The following SND1 variants were observed in gnomAD, a reference collection of about 807,000 sequenced individuals.
SND1 encodes staphylococcal nuclease domain-containing protein 1.
Under a neutral mutation model 121.7 loss-of-function variants are expected in SND1, and 38 were observed. The observed-to-expected ratio is 0.31, with a 90% CI of 0.24 to 0.41. The LOEUF is 0.41. Ranked by LOEUF, SND1 falls within the 10% of genes least tolerant of loss-of-function variation. The probability of loss-of-function intolerance (pLI) is 1.00; values close to 1 mark genes in which losing one functional copy is unlikely to be tolerated. For synonymous variants in SND1, 401 were observed against 447.4 expected (o/e 0.90, Z 1.31); for missense variants, 868 against 1,184.6 (o/e 0.73, Z 3.92).
chr7:127,954,534 C>G (rs1210415537), intron 15 of SND1, among the ~76,000 whole-genome samples: 1 of 152,122 alleles, frequency 6.6e-6, no homozygotes, highest in Non-Finnish European at 1.5e-5. Context: ...GAGCAGCCCT[C>G]TCTCTCTTTC....
At chr7:127,653,943 CTCT>C (rs1403122107) in intron 1 of SND1, among the ~76,000 whole-genome samples, 1 of 152,182 alleles carries the variant, frequency 6.6e-6, no homozygotes, top group Non-Finnish European at 1.5e-5. Context: ...CCTAAAGTGG[CTCT>C]TCTTTCGTTA....
intron 4 of SND1, 148 bp from the exon 5 acceptor site, chr7:127,701,015 G>A (rs944378424): frequency 1.3e-5 from 10 of 782,042 alleles, no homozygotes; most frequent in Non-Finnish European, 1.8e-5. Context: ...TGATTTTCTG[G>A]TTATAGGCTT....
intron 10 of SND1, among the ~76,000 whole-genome samples, chr7:127,773,561 C>A (rs1462460617): frequency 6.6e-6 from 1 of 151,512 alleles, no homozygotes; most frequent in Non-Finnish European, 1.5e-5. Context: ...GAAAAGGAAA[C>A]TATTTTTTGC....
At chr7:127,759,099 T>TAGATAGATAGATAGGCAGGC (rs1268977068) in intron 10 of SND1, among the ~76,000 whole-genome samples, 3 of 151,902 alleles carry the variant, frequency 2.0e-5, no homozygotes, top group African/African-American at 7.3e-5. Context: ...GATAGATAGA[T>TAGATAGATAGATAGGCAGGC]AGGCAGGCAG....
At chr7:127,950,880 A>T (rs914078218) in intron 15 of SND1, among the ~76,000 whole-genome samples, 4 of 152,092 alleles carry the variant, frequency 2.6e-5, no homozygotes, top group Admixed American at 6.6e-5. Context: ...CCAATTTATT[A>T]TTTTTTTTAA....
At chr7:128,072,986 G>A (rs567528648) in intron 16 of SND1, among the ~76,000 whole-genome samples, 2 of 152,306 alleles carry the variant, frequency 1.3e-5, no homozygotes, top group Admixed American at 1.3e-4. Flanking sequence ...CCAGAATTGG[G>A]GCCAGCACTT....
At chr7:127,844,214 A>G (rs1799016138) in intron 11 of SND1, 110 bp from the exon 12 acceptor site, 3 of 671,024 alleles carry the variant, frequency 4.5e-6, no homozygotes, top group African/African-American at 1.9e-5. Context: ...TTAGATTCAG[A>G]AAACCAAACT....
At chr7:127,883,667 T>C (rs1464137745) in intron 12 of SND1, among the ~76,000 whole-genome samples, 2 of 152,158 alleles carry the variant, frequency 1.3e-5, no homozygotes, top group African/African-American at 4.8e-5. Flanking sequence ...TCCACAAACC[T>C]ACTCAAATTT....
intron 1 of SND1, among the ~76,000 whole-genome samples, chr7:127,658,613 T>C (rs1049190907): frequency 1.3e-5 from 2 of 152,238 alleles, no homozygotes; most frequent in African/African-American, 4.8e-5. Flanking sequence ...TAGCAAGCTT[T>C]AGTGAACTGT....
intron 10 of SND1, among the ~76,000 whole-genome samples, chr7:127,751,012 G>A (rs1797081266): frequency 6.6e-6 from 1 of 152,132 alleles, no homozygotes; most frequent in Non-Finnish European, 1.5e-5. Context: ...TTTGGTGGTA[G>A]AATTTTTTTG....
At chr7:128,089,424 A>G in intron 21 of SND1, 65 bp from the exon 22 acceptor site, 1 of 1,477,500 alleles carries the variant, frequency 6.8e-7, no homozygotes, top group Non-Finnish European at 9.3e-7. Context: ...GAGTCTATGG[A>G]CAGGAGCTGG....
intron 16 of SND1, among the ~76,000 whole-genome samples, chr7:128,066,635 G>A (rs1450990126): frequency 2.0e-5 from 3 of 152,214 alleles, no homozygotes; most frequent in African/African-American, 7.2e-5. Flanking sequence ...CATTGTTAAT[G>A]TTCATCATCT....
chr7:127,802,952 T>C (rs1798162638), intron 10 of SND1, among the ~76,000 whole-genome samples: 1 of 152,246 alleles, frequency 6.6e-6, no homozygotes, highest in Non-Finnish European at 1.5e-5. Flanking sequence ...CCTTCCTCAC[T>C]GCCGCTGCCT....
chr7:127,968,431 T>G (rs1801904321), intron 15 of SND1, among the ~76,000 whole-genome samples: 1 of 152,202 alleles, frequency 6.6e-6, no homozygotes, highest in Non-Finnish European at 1.5e-5. Flanking sequence ...TTTTGTAAAG[T>G]GGGGATGAAT....
chr7:127,743,562 C>T (rs1796922876), intron 10 of SND1, among the ~76,000 whole-genome samples: 1 of 152,188 alleles, frequency 6.6e-6, no homozygotes, highest in African/African-American at 2.4e-5. Context: ...ATCTTTATAA[C>T]CTGTCCCTTC....
rs534631540 is a variant in SND1 at position 127,807,094 on chromosome 7, C to A, written c.1153-390C>A. On this transcript the variant is annotated intron_variant, in intron 10 of 23. Transcript: ENST00000354725. ...TACAGAATGCTTTGTATGGAACTAA[C>A]AGTTGGTAGGTGCTCAGTAAAGATT... is the stretch of plus-strand genomic sequence containing the variant. 4.6e-5 allele frequency among the ~76,000 whole-genome samples: 7 copies of A among 152,290 alleles called. No individual in the cohort carries two copies. In the South Asian group the frequency reaches 1.5e-3, roughly 32 times the overall value.
intron 16 of SND1, among the ~76,000 whole-genome samples, chr7:128,019,519 A>G (rs1259055860): frequency 6.6e-6 from 1 of 152,144 alleles, no homozygotes; most frequent in Non-Finnish European, 1.5e-5. Context: ...TCCTTAATGG[A>G]TGGAAACTCA....
intron 10 of SND1, among the ~76,000 whole-genome samples, chr7:127,745,112 C>T (rs945186494): frequency 6.6e-6 from 1 of 152,080 alleles, no homozygotes; most frequent in Non-Finnish European, 1.5e-5. Flanking sequence ...CATTGCCCAA[C>T]GATGGGGATA....
At chr7:127,738,482 T>C (rs1460955969) in intron 10 of SND1, among the ~76,000 whole-genome samples, 2 of 152,112 alleles carry the variant, frequency 1.3e-5, no homozygotes, top group Non-Finnish European at 2.9e-5. Context: ...TTTCACCACG[T>C]TGGCCAGGCT....
Sources: gnomAD v4.1 joint callset for allele counts (sites outside exome capture counted in the v4.1 genomes callset) on GRCh38, gnomAD v4.1.1 for gene constraint, MANE v1.5 for transcripts, NCBI Gene and HGNC (gene_info 2026-07-23, HGNC 2026-07-21) for gene names.